PCDH15: variants seen among roughly 807,000 people sequenced by gnomAD.
The protein encoded by PCDH15 is protocadherin related 15.
PCDH15 carries 129 observed loss-of-function variants against 178.5 expected under a neutral mutation model. That is an observed-to-expected ratio of 0.72 (90% CI 0.63 to 0.84). PCDH15 has a LOEUF of 0.84. Among genes scored for constraint, PCDH15 ranks in the 40% least tolerant of loss-of-function variants. The pLI, the probability that PCDH15 is intolerant of heterozygous loss-of-function variation, is 0.00. For missense variants in PCDH15, 2,230 were observed against 2,099.9 expected, an observed-to-expected ratio of 1.06 and a Z score of -1.21; for synonymous variants, 800 against 732.0, an observed-to-expected ratio of 1.09 and a Z score of -1.50.
At chr10:55,063,145 A>C (rs1239868413) in intron 2 of PCDH15, among the ~76,000 whole-genome samples, 1 of 152,144 alleles carries the variant, frequency 6.6e-6, no homozygotes, top group East Asian at 1.9e-4. Context: ...CCATACTTTT[A>C]ATCTCTATAA....
chr10:54,645,755 G>C (rs577476873), intron 2 of PCDH15, among the ~76,000 whole-genome samples: 2 of 152,236 alleles, frequency 1.3e-5, no homozygotes, highest in South Asian at 2.1e-4. Context: ...AAGGAATATT[G>C]ATTAATGATG....
rs917440942 is a variant in PCDH15 at position 53,805,053 on chromosome 10, A to G, written c.*1526T>C. On this transcript the variant is annotated 3_prime_UTR_variant, in exon 38 of 38. Coordinates refer to ENST00000644397, the MANE Select transcript of PCDH15 (RefSeq NM_001384140.1). ...ATTTTCTTGGAAATCTGAAGTAAAA[A>G]CATACTACTCTTACAAGTCGGCAAG... is the stretch of plus-strand genomic sequence containing the variant. 1 of 152,012 alleles carries G rather than the reference A, an allele frequency of 6.6e-6. No individual in the cohort carries two copies. The highest frequency in any genetic ancestry group is 1.5e-5 in the Non-Finnish European group (1 of 67,952). 9.4% of individuals were successfully genotyped at this position (152,012 alleles called of 1,614,324 possible).
At chr10:54,747,948 G>A (rs1211387237) in intron 1 of PCDH15, among the ~76,000 whole-genome samples, 2 of 152,030 alleles carry the variant, frequency 1.3e-5, no homozygotes, top group Admixed American at 6.6e-5. Flanking sequence ...TGGGACTACA[G>A]GCGCCCGCCA....
chr10:54,548,869 G>T (rs1312809818), intron 2 of PCDH15, among the ~76,000 whole-genome samples: 11 of 151,126 alleles, frequency 7.3e-5, no homozygotes, highest in Admixed American at 7.3e-4. Flanking sequence ...GGTTTATTGT[G>T]TAGGGAAAAC....
At chr10:55,445,423 C>T (rs1036462182) in intron 2 of PCDH15, among the ~76,000 whole-genome samples, 12 of 152,096 alleles carry the variant, frequency 7.9e-5, no homozygotes, top group Non-Finnish European at 1.6e-4. Context: ...TGTATTCTGA[C>T]TTCTGAGACA....
At chr10:54,997,060 G>C (rs140273697) in intron 2 of PCDH15, among the ~76,000 whole-genome samples, 1 of 149,960 alleles carries the variant, frequency 6.7e-6, no homozygotes, top group Non-Finnish European at 1.5e-5. Context: ...AGTGAGCTGA[G>C]ATCGCACCAC....
intron 2 of PCDH15, among the ~76,000 whole-genome samples, chr10:55,531,223 T>C (rs1841447590): frequency 6.6e-6 from 1 of 151,984 alleles, no homozygotes. Context: ...ATTTGGTTTT[T>C]ATCTTCCTCA....
chr10:55,585,052 T>C (rs1842698396), intron 2 of PCDH15, among the ~76,000 whole-genome samples: 2 of 151,176 alleles, frequency 1.3e-5, no homozygotes, highest in Admixed American at 6.6e-5. Flanking sequence ...TCTATATTAT[T>C]AATACTATAT....
At chr10:54,685,205 A>AT (rs1565938520) in intron 1 of PCDH15, among the ~76,000 whole-genome samples, 1 of 152,082 alleles carries the variant, frequency 6.6e-6, no homozygotes, top group African/African-American at 2.4e-5. Context: ...GTCATCTCCT[A>AT]TGATAATAAT....
chr10:55,047,432 A>G (rs1414195636), intron 2 of PCDH15, among the ~76,000 whole-genome samples: 1 of 151,794 alleles, frequency 6.6e-6, no homozygotes, highest in Non-Finnish European at 1.5e-5. Flanking sequence ...AATTAACCAG[A>G]TCAGATTGCA....
At chr10:55,364,076 T>A (rs1845294742) in intron 2 of PCDH15, among the ~76,000 whole-genome samples, 1 of 151,996 alleles carries the variant, frequency 6.6e-6, no homozygotes, top group Admixed American at 6.6e-5. Context: ...GTGAGTGAGT[T>A]CTCACGAAAT....
chr10:54,337,936 G>C (rs7076894), intron 6 of PCDH15, among the ~76,000 whole-genome samples: 10,820 of 152,176 alleles, frequency 0.071, 498 homozygotes, highest in African/African-American at 0.12. Flanking sequence ...GTATATCCAT[G>C]GTTTGAAAAC....
At chr10:55,538,896 TTCCTTCCTTCCTCCTTTCCTTCCTTCC>T (rs1841684823) in intron 2 of PCDH15, among the ~76,000 whole-genome samples, 2 of 75,322 alleles carry the variant, frequency 2.7e-5, no homozygotes, top group Admixed American at 1.3e-4. Context: ...CTTCCTTTCC[TTCCTTCCTTCCTCCTTTCCTTCCTTCC>T]TTCCTCCTTT....
chr10:54,308,556 A>T (rs1460419864), intron 8 of PCDH15, among the ~76,000 whole-genome samples: 1 of 152,116 alleles, frequency 6.6e-6, no homozygotes, highest in Non-Finnish European at 1.5e-5. Context: ...AGTTGAATAT[A>T]GTTGAACCTG....
At chr10:55,296,431 G>T (rs1460269100) in intron 1 of PCDH15, among the ~76,000 whole-genome samples, 2 of 152,096 alleles carry the variant, frequency 1.3e-5, no homozygotes, top group Non-Finnish European at 2.9e-5. Flanking sequence ...CTTGGATGTG[G>T]TTAAAGAAAG....
At chr10:54,720,449 C>G (rs1941397089) in intron 1 of PCDH15, among the ~76,000 whole-genome samples, 2 of 151,180 alleles carry the variant, frequency 1.3e-5, no homozygotes, top group Non-Finnish European at 2.9e-5. Context: ...TCGCATCAAA[C>G]TAACAAAAGA....
intron 2 of PCDH15, among the ~76,000 whole-genome samples, chr10:55,529,480 T>G (rs1487932722): frequency 6.6e-6 from 1 of 151,860 alleles, no homozygotes; most frequent in African/African-American, 2.4e-5. Flanking sequence ...CCTCCCAAAG[T>G]GCTGGGATTA....
At chr10:54,969,118 T>C (rs1838868151) in intron 2 of PCDH15, among the ~76,000 whole-genome samples, 1 of 152,102 alleles carries the variant, frequency 6.6e-6, no homozygotes, top group African/African-American at 2.4e-5. Flanking sequence ...CACAATTTCT[T>C]GCTTTTTAAA....
intron 1 of PCDH15, among the ~76,000 whole-genome samples, chr10:55,191,147 A>T (rs1839933760): frequency 6.6e-6 from 1 of 151,778 alleles, no homozygotes; most frequent in Non-Finnish European, 1.5e-5. Flanking sequence ...TGTATTAAAC[A>T]TCATAGAGAT....
Sources: gnomAD v4.1 joint callset for allele counts (sites outside exome capture counted in the v4.1 genomes callset) on GRCh38, gnomAD v4.1.1 for gene constraint, MANE v1.5 for transcripts, NCBI Gene and HGNC (gene_info 2026-07-23, HGNC 2026-07-21) for gene names.